Variants in CCDC150 observed in about 807,000 individuals in gnomAD.
CCDC150 encodes coiled-coil domain-containing protein 150.
CCDC150 carries 151 observed loss-of-function variants against 156.5 expected under a neutral mutation model. The ratio of observed to expected loss-of-function variants is 0.97; its 90% CI spans 0.85 to 1.10. CCDC150 has a LOEUF of 1.10. Ranked by LOEUF, CCDC150 falls within the 50% of genes least tolerant of loss-of-function variation. The pLI is 0.00. For missense variants in CCDC150, 1,312 were observed against 1,268.1 expected (o/e 1.03, Z -0.53); for synonymous variants, 452 against 429.4 (o/e 1.05, Z -0.65).
chr2:196,658,971 G>C lies in CCDC150; in HGVS notation c.645+111G>C, dbSNP rs887978758. On this transcript the variant is annotated intron_variant, in intron 5 of 27. Coordinates refer to ENST00000389175, the MANE Select transcript of CCDC150 (RefSeq NM_001080539.2). ...GAAGAAGAAAATATGTGACTATGTAGTAGGAAGACTTTAAAAATATGCCAC... is the reference window on the plus strand; with the variant it reads ...GAAGAAGAAAATATGTGACTATGTACTAGGAAGACTTTAAAAATATGCCAC... 1.1e-5 allele frequency: 8 copies of C among 713,568 alleles called. No homozygotes were observed. The South Asian group carries it at 1.6e-4, about 14-fold the overall frequency. 44.2% of individuals were successfully genotyped at this position (713,568 alleles called of 1,614,324 possible).
At chr2:196,678,922 A>G (rs972733075) in intron 13 of CCDC150, among the ~76,000 whole-genome samples, 4 of 152,166 alleles carry the variant, frequency 2.6e-5, no homozygotes, top group Non-Finnish European at 4.4e-5. Context: ...TGAATGTTAC[A>G]TGGCCAAGGC....
At chr2:196,685,119 A>G (rs924465191) in intron 13 of CCDC150, among the ~76,000 whole-genome samples, 17 of 151,564 alleles carry the variant, frequency 1.1e-4, no homozygotes, top group South Asian at 2.1e-4. Flanking sequence ...TTGTTCCTCT[A>G]TTTCTCAATT....
Position 196,701,186 on chromosome 2 carries a change from A to G in CCDC150, c.1695+6A>G. Reference sequence around the variant, plus strand: ...ATGAAAACGGAAAACTCCAGGTATGAGATTTATTTTCTGATTTTTCTTGTT... The same window carrying G: ...ATGAAAACGGAAAACTCCAGGTATGGGATTTATTTTCTGATTTTTCTTGTT... On this transcript the variant is annotated splice_donor_region_variant and intron_variant, in intron 15 of 27. Coordinates refer to ENST00000389175, the MANE Select transcript of CCDC150 (RefSeq NM_001080539.2). The G allele has an allele frequency of 6.4e-7, 1 of 1,558,256 alleles. No individual in the cohort carries two copies. The highest frequency in any genetic ancestry group is 8.7e-7 in the Non-Finnish European group (1 of 1,146,888).
Position 196,655,785 on chromosome 2 carries a change from C to T in CCDC150, c.177-848C>T, listed in dbSNP as rs149476054. On this transcript the variant is annotated intron_variant, in intron 2 of 27. Transcript: ENST00000389175. Reference sequence around the variant, plus strand: ...AGCTAGGAGGTTTAAGATGCAGTCCCTCAAGTAGAAGTTATAAAAGTTGGG... The same window carrying T: ...AGCTAGGAGGTTTAAGATGCAGTCCTTCAAGTAGAAGTTATAAAAGTTGGG... 2.9e-3 allele frequency among the ~76,000 whole-genome samples: 434 copies of T among 152,088 alleles called. 5 individuals carry two copies. Among genetic ancestry groups the T allele is most frequent in the African/African-American group, 1.0e-2 (413 of 41,490 alleles).
At chr2:196,729,728 GGCAAAAAGA>G in intron 23 of CCDC150, 56 bp from the exon 24 acceptor site, 1 of 1,083,510 alleles carries the variant, frequency 9.2e-7, no homozygotes, top group South Asian at 1.5e-5. Flanking sequence ...TCATCCTATA[GGCAAAAAGA>G]GCAAGCCAGT....
At chr2:196,702,141 T>G (rs1222009361) in intron 15 of CCDC150, among the ~76,000 whole-genome samples, 1 of 151,986 alleles carries the variant, frequency 6.6e-6, no homozygotes, top group Non-Finnish European at 1.5e-5. Flanking sequence ...GAGGCTCAGG[T>G]GGGAGCCCCA....
At chr2:196,655,493 C>A (rs1693135132) in intron 2 of CCDC150, among the ~76,000 whole-genome samples, 1 of 152,102 alleles carries the variant, frequency 6.6e-6, no homozygotes, top group South Asian at 2.1e-4. Flanking sequence ...ATTTAGGCTG[C>A]CAGAGGTGTA....
At chr2:196,649,431 T>G (rs1286663042) in intron 2 of CCDC150, among the ~76,000 whole-genome samples, 1 of 152,164 alleles carries the variant, frequency 6.6e-6, no homozygotes, top group Non-Finnish European at 1.5e-5. Flanking sequence ...GCATCACTTT[T>G]TCTATGTTTA....
At chr2:196,660,004 C>T (rs1016657539) in intron 5 of CCDC150, among the ~76,000 whole-genome samples, 1 of 152,140 alleles carries the variant, frequency 6.6e-6, no homozygotes, top group Non-Finnish European at 1.5e-5. Flanking sequence ...CCCCTGAGCC[C>T]CTGACAACCA....
At chr2:196,669,459 A>G (rs1403032135) in intron 7 of CCDC150, among the ~76,000 whole-genome samples, 1 of 152,184 alleles carries the variant, frequency 6.6e-6, no homozygotes, top group African/African-American at 2.4e-5. Context: ...TGTTGTCATG[A>G]CCAGAGTCGG....
At chr2:196,670,602 C>T (rs1182612887) in intron 8 of CCDC150, among the ~76,000 whole-genome samples, 1 of 151,074 alleles carries the variant, frequency 6.6e-6, no homozygotes, top group Non-Finnish European at 1.5e-5. Flanking sequence ...TTCTGCTCCA[C>T]TCTCAGGTCC....
chr2:196,676,395 G>A (rs1411166261), intron 11 of CCDC150, 128 bp downstream of exon 11: 21 of 1,370,888 alleles, frequency 1.5e-5, no homozygotes, highest in Non-Finnish European at 1.9e-5. Context: ...CAGCCACAGA[G>A]CTAAAATAAA....
chr2:196,672,403 T>TGTCTCTTC lies in CCDC150; in HGVS notation c.995_996insGTCTCTTC (p.Ile332MetfsTer17). On this transcript the variant is annotated frameshift_variant, in exon 9 of 28. Transcript: ENST00000389175. LOFTEE classifies it high-confidence loss of function. ...GAAAATGCATATTTGAGGTCCGAAA[T>TGTCTCTTC]AATGTCTCTTCATGAAGCATCAGAA... The TGTCTCTTC allele has an allele frequency of 1.3e-6, 2 of 1,545,632 alleles. No homozygotes were observed. Among genetic ancestry groups the TGTCTCTTC allele is most frequent in the Non-Finnish European group, 1.7e-6 (2 of 1,148,064 alleles).
chr2:196,644,874 G>T (rs906171332), intron 1 of CCDC150, among the ~76,000 whole-genome samples: 1 of 152,016 alleles, frequency 6.6e-6, no homozygotes, highest in African/African-American at 2.4e-5. Flanking sequence ...CAGCACTTTG[G>T]GAGACTGAGG....
rs1282590797 is a variant in CCDC150 at position 196,732,662 on chromosome 2, A to G, written c.*100A>G. The G allele has an allele frequency of 5.1e-6, 4 of 781,728 alleles. No homozygotes were observed. Among genetic ancestry groups the G allele is most frequent in the Non-Finnish European group, 8.8e-6 (4 of 456,372 alleles). 48.4% of individuals were successfully genotyped at this position (781,728 alleles called of 1,614,324 possible). On this transcript the variant is annotated 3_prime_UTR_variant, in exon 28 of 28. Transcript: ENST00000389175. Reference sequence around the variant, plus strand: ...TGTTTCTAGAGTCATAAGAACATGAAGTCTTTGATGTGGGCTGAAGATTTT... The same window carrying G: ...TGTTTCTAGAGTCATAAGAACATGAGGTCTTTGATGTGGGCTGAAGATTTT...
chr2:196,669,460 C>T lies in CCDC150; in HGVS notation c.893-373C>T, dbSNP rs111596928. 4.1e-3 allele frequency among the ~76,000 whole-genome samples: 621 copies of T among 152,288 alleles called. 2 individuals are homozygous for T. The highest frequency in any genetic ancestry group is 0.02 in the Middle Eastern group (6 of 294). On this transcript the variant is annotated intron_variant, in intron 7 of 27. Transcript: ENST00000389175. The stretch of plus-strand genomic sequence containing the variant: ...TTCCTCTGTGTCTCTGTTGTCATGA[C>T]CAGAGTCGGTCCTCATCGTCATTAC...
intron 18 of CCDC150, 76 bp from the exon 19 acceptor site, chr2:196,719,421 G>A: frequency 5.0e-6 from 6 of 1,199,692 alleles, no homozygotes; most frequent in Non-Finnish European, 6.8e-6. Flanking sequence ...GCTCTTTCCT[G>A]GGAGTAATGA....
At chr2:196,717,079 CAG>C (rs1409721433) in intron 17 of CCDC150, among the ~76,000 whole-genome samples, 7 of 151,610 alleles carry the variant, frequency 4.6e-5, no homozygotes, top group Non-Finnish European at 1.0e-4. Context: ...TTAGTAGAGA[CAG>C]GGTTTCACCA....
At chr2:196,646,585 G>A in intron 2 of CCDC150, 81 bp downstream of exon 2, 1 of 1,017,308 alleles carries the variant, frequency 9.8e-7, no homozygotes, top group Non-Finnish European at 1.5e-6. Flanking sequence ...TGGCAGATGA[G>A]ATGGATATTT....
Sources: gnomAD v4.1 joint callset for allele counts (sites outside exome capture counted in the v4.1 genomes callset) on GRCh38, gnomAD v4.1.1 for gene constraint, MANE v1.5 for transcripts, NCBI Gene and HGNC (gene_info 2026-07-23, HGNC 2026-07-21) for gene names.